ESRRG: variants seen among roughly 807,000 people sequenced by gnomAD.
The protein encoded by ESRRG is estrogen related receptor gamma.
Under a neutral mutation model 44.0 loss-of-function variants are expected in ESRRG, and 13 were observed. That is an observed-to-expected ratio of 0.30 (90% CI 0.19 to 0.47). The LOEUF is 0.47. Ranked by LOEUF, ESRRG falls within the 20% of genes least tolerant of loss-of-function variation. ESRRG has a pLI of 1.00. For missense variants in ESRRG, 395 were observed against 580.6 expected (o/e 0.68, Z 3.29); for synonymous variants, 215 against 214.6 (o/e 1.00, Z -0.02).
chr1:216,912,220 G>A lies in ESRRG; in HGVS notation c.-14+27362C>T, dbSNP rs1288550923. 1.3e-3 allele frequency among the ~76,000 whole-genome samples: 55 copies of A among 42,696 alleles called. 11 individuals are homozygous for A. The East Asian group carries it at 0.028, about 22-fold the overall frequency. The allele number at this position is 42,696 out of a possible 152,430, so 28.0% of individuals were successfully genotyped here. A position where few individuals can be genotyped will look rare whatever the true frequency, so the allele number is the denominator to read the frequency against. On this transcript the variant is annotated intron_variant, in intron 2 of 7. Coordinates refer to the ESRRG transcript ENST00000359162. Reference sequence around the variant, plus strand: ...GGAGAGGAGAGGAGAGGAGAGGAGAGGAGAGGAGAGGAGAGGAGAGGAGAG... The same window carrying A: ...GGAGAGGAGAGGAGAGGAGAGGAGAAGAGAGGAGAGGAGAGGAGAGGAGAG...
At chr1:216,841,045 T>C (rs1171081895) in intron 2 of ESRRG, among the ~76,000 whole-genome samples, 3 of 152,280 alleles carry the variant, frequency 2.0e-5, no homozygotes, top group South Asian at 2.1e-4. Flanking sequence ...CCACAAACTT[T>C]CAATTTGTAG....
chr1:216,737,200 T>A (rs748534139), intron 2 of ESRRG, among the ~76,000 whole-genome samples: 11 of 152,212 alleles, frequency 7.2e-5, no homozygotes, highest in Non-Finnish European at 1.3e-4. Flanking sequence ...CAGCTGCATC[T>A]GCTTCAAAGT....
chr1:217,125,893 T>C (rs1253818591), intron 1 of ESRRG, among the ~76,000 whole-genome samples: 2 of 152,208 alleles, frequency 1.3e-5, no homozygotes, highest in South Asian at 2.1e-4. Flanking sequence ...TGCTTGAATT[T>C]GCTGTGTATG....
At chr1:216,525,675 T>C (rs1202371417) in intron 5 of ESRRG, among the ~76,000 whole-genome samples, 1 of 152,016 alleles carries the variant, frequency 6.6e-6, no homozygotes, top group Non-Finnish European at 1.5e-5. Context: ...CTCTAAAAAA[T>C]ATATTTAAAA....
At chr1:216,628,482 A>C (rs2063559926) in intron 3 of ESRRG, among the ~76,000 whole-genome samples, 1 of 152,202 alleles carries the variant, frequency 6.6e-6, no homozygotes, top group Non-Finnish European at 1.5e-5. Context: ...TTATGATTTT[A>C]CTTCTGGAGT....
intron 2 of ESRRG, among the ~76,000 whole-genome samples, chr1:216,658,032 A>G (rs1255285968): frequency 6.6e-6 from 1 of 152,124 alleles, no homozygotes; most frequent in Non-Finnish European, 1.5e-5. Flanking sequence ...AGGAAAAAAG[A>G]CCGGAAGGAT....
intron 1 of ESRRG, chr1:216,715,283 A>T (rs1045082145): frequency 2.1e-6 from 2 of 971,532 alleles, no homozygotes; most frequent in Non-Finnish European, 2.4e-6. Context: ...GTCATTTCAT[A>T]GGACCCAGCA....
At chr1:217,017,667 A>G (rs1449225626) in intron 1 of ESRRG, among the ~76,000 whole-genome samples, 1 of 152,062 alleles carries the variant, frequency 6.6e-6, no homozygotes, top group Non-Finnish European at 1.5e-5. Context: ...AGTTTTCTTC[A>G]TGTGTTTATA....
At chr1:217,000,592 G>A (rs1042475897) in intron 1 of ESRRG, 3 of 152,194 alleles carry the variant, frequency 2.0e-5, no homozygotes, top group Non-Finnish European at 4.4e-5. Flanking sequence ...AACATCTTTT[G>A]GGGATACACA....
intron 2 of ESRRG, among the ~76,000 whole-genome samples, chr1:216,919,663 A>G (rs959131463): frequency 6.6e-6 from 1 of 152,208 alleles, no homozygotes; most frequent in African/African-American, 2.4e-5. Flanking sequence ...ATCAGACAAG[A>G]AAAACTTGCA....
At chr1:216,860,843 C>T (rs371005698) in intron 2 of ESRRG, among the ~76,000 whole-genome samples, 3 of 151,998 alleles carry the variant, frequency 2.0e-5, no homozygotes, top group African/African-American at 4.8e-5. Context: ...AATTTATTTG[C>T]TATTATTATT....
chr1:216,787,553 G>A (rs2094169898), intron 2 of ESRRG, among the ~76,000 whole-genome samples: 1 of 131,702 alleles, frequency 7.6e-6, no homozygotes, highest in Admixed American at 9.1e-5. Context: ...CAGTGAGAGA[G>A]ATGATACTAC....
At position 216,604,942 on chromosome 1, in the gene ESRRG, C is replaced by A. The variant is rs79953520; in HGVS notation, c.590-36844G>T. On this transcript the variant is annotated intron_variant, in intron 3 of 6. Coordinates refer to ENST00000408911, the MANE Select transcript of ESRRG (RefSeq NM_001438.4). ...ATATATTGAAACTCTAGCCCTCTGC[C>A]TAGCTTTAGGGCTTCTTTGGCTCAT... Among the ~76,000 whole-genome samples, 1,407 of 152,266 alleles carry A rather than the reference C, an allele frequency of 9.2e-3. 21 individuals are homozygous for A. The highest frequency in any genetic ancestry group is 0.031 in the African/African-American group (1,295 of 41,544).
intron 1 of ESRRG, among the ~76,000 whole-genome samples, chr1:217,031,891 GT>G (rs1371610629): frequency 1.3e-5 from 2 of 152,166 alleles, no homozygotes; most frequent in East Asian, 3.9e-4. Context: ...CCCAAGCCCT[GT>G]GGAAATGTGA....
intron 2 of ESRRG, among the ~76,000 whole-genome samples, chr1:216,755,180 CT>C (rs2092369357): frequency 6.6e-6 from 1 of 151,832 alleles, no homozygotes; most frequent in African/African-American, 2.4e-5. Flanking sequence ...ACTGACTTTA[CT>C]TTTTTTCAAA....
At chr1:217,109,582 T>C (rs1435863637) in intron 1 of ESRRG, among the ~76,000 whole-genome samples, 1 of 152,202 alleles carries the variant, frequency 6.6e-6, no homozygotes. Flanking sequence ...TGGAGGGGAC[T>C]ATTCTCACCT....
At chr1:217,024,232 C>T (rs1297548156) in intron 1 of ESRRG, among the ~76,000 whole-genome samples, 3 of 152,030 alleles carry the variant, frequency 2.0e-5, no homozygotes, top group South Asian at 2.1e-4. Context: ...GTGGTGGGTG[C>T]CTGTAGTCCC....
intron 2 of ESRRG, among the ~76,000 whole-genome samples, chr1:216,747,382 C>A (rs142935197): frequency 2.0e-4 from 31 of 152,288 alleles, no homozygotes; most frequent in African/African-American, 7.5e-4. Context: ...CTTTGTCTCA[C>A]GTGCTAGGTC....
intron 1 of ESRRG, among the ~76,000 whole-genome samples, chr1:216,969,069 C>T (rs1030667173): frequency 6.6e-6 from 1 of 152,176 alleles, no homozygotes; most frequent in Non-Finnish European, 1.5e-5. Flanking sequence ...AGTATTCTTA[C>T]TTTGGGAAAT....
Sources: gnomAD v4.1 joint callset for allele counts (sites outside exome capture counted in the v4.1 genomes callset) on GRCh38, gnomAD v4.1.1 for gene constraint, MANE v1.5 for transcripts, NCBI Gene and HGNC (gene_info 2026-07-23, HGNC 2026-07-21) for gene names.